The following LRFN2 variants were observed in gnomAD, a reference collection of about 807,000 sequenced individuals.
LRFN2 encodes the protein leucine-rich repeat and fibronectin type-III domain-containing protein 2.
A neutral mutation model predicts 37.3 loss-of-function variants in LRFN2; 18 were observed. The observed-to-expected ratio is 0.48, with a 90% CI of 0.33 to 0.72. LRFN2 has a LOEUF of 0.72. Among genes scored for constraint, LRFN2 ranks in the 30% least tolerant of loss-of-function variants. The probability of loss-of-function intolerance (pLI) is 0.02; values close to 1 mark genes in which losing one functional copy is unlikely to be tolerated. For synonymous variants in LRFN2, 556 were observed against 466.6 expected (o/e 1.19, Z -2.47); for missense variants, 1,006 against 1,060.7 (o/e 0.95, Z 0.72).
chr6:40,581,762 T>C (rs1412304264), intron 1 of LRFN2, among the ~76,000 whole-genome samples: 1 of 152,208 alleles, frequency 6.6e-6, no homozygotes, highest in Non-Finnish European at 1.5e-5. Context: ...CATTGCTCTC[T>C]CACTAGGTAC....
intron 1 of LRFN2, among the ~76,000 whole-genome samples, chr6:40,581,386 A>G (rs1291731168): frequency 6.6e-6 from 1 of 152,200 alleles, no homozygotes; most frequent in Non-Finnish European, 1.5e-5. Context: ...GGGGACGGCC[A>G]AAGTCACACA....
intron 1 of LRFN2, among the ~76,000 whole-genome samples, chr6:40,458,522 C>G (rs886714282): frequency 1.3e-5 from 2 of 152,176 alleles, no homozygotes; most frequent in African/African-American, 4.8e-5. Flanking sequence ...TAGTCCAGAG[C>G]AACATAAAGT....
intron 1 of LRFN2, among the ~76,000 whole-genome samples, chr6:40,542,058 C>A (rs1297300625): frequency 6.6e-6 from 1 of 152,240 alleles, no homozygotes; most frequent in African/African-American, 2.4e-5. Flanking sequence ...CACACACTTG[C>A]AGTCATGTGG....
At chr6:40,514,526 G>T (rs1430788948) in intron 1 of LRFN2, among the ~76,000 whole-genome samples, 5 of 152,102 alleles carry the variant, frequency 3.3e-5, no homozygotes, top group Non-Finnish European at 5.9e-5. Context: ...TGTTGACCAA[G>T]CTGATCTTGA....
intron 1 of LRFN2, among the ~76,000 whole-genome samples, chr6:40,507,662 A>G (rs919096971): frequency 3.3e-5 from 5 of 152,018 alleles, no homozygotes; most frequent in Non-Finnish European, 2.9e-5. Flanking sequence ...CCTGTTTTGG[A>G]GGGGAAAATG....
chr6:40,574,257 C>A (rs762771049), intron 1 of LRFN2, among the ~76,000 whole-genome samples: 4 of 152,102 alleles, frequency 2.6e-5, no homozygotes, highest in Admixed American at 6.5e-5. Context: ...CTCATGACAA[C>A]CCTAGGGATT....
Position 40,432,945 on chromosome 6 carries a change from G to A in LRFN2, c.169C>T (p.Leu57=). The A allele has an allele frequency of 1.9e-6, 3 of 1,613,938 alleles. No homozygotes were observed. Among genetic ancestry groups the A allele is most frequent in the Non-Finnish European group, 2.5e-6 (3 of 1,179,840 alleles). The stretch of plus-strand genomic sequence containing the variant: ...ATGATGAAGTTGCCGCCCAGGCGCA[G>A]CTCCACTGTCCGCCGGTCAATATCA... ...PPDIDRRTVE[L]RLGGNFIIHI... is the part of the protein sequence containing the mutation. Residue 57 remains leucine, a synonymous_variant, in exon 2 of 3, where the codon CTG becomes TTG. Transcript: ENST00000338305.
intron 1 of LRFN2, among the ~76,000 whole-genome samples, chr6:40,446,124 T>C (rs1763964094): frequency 1.3e-5 from 2 of 152,144 alleles, no homozygotes. Flanking sequence ...ACCATTAGTT[T>C]AGGAAATTCT....
chr6:40,519,575 C>T (rs1255824691), intron 1 of LRFN2, among the ~76,000 whole-genome samples: 2 of 152,184 alleles, frequency 1.3e-5, no homozygotes, highest in African/African-American at 2.4e-5. Flanking sequence ...CAAGAATATG[C>T]GTGGCCCAGC....
chr6:40,514,379 A>G (rs1765798975), intron 1 of LRFN2, among the ~76,000 whole-genome samples: 2 of 152,166 alleles, frequency 1.3e-5, no homozygotes, highest in African/African-American at 4.8e-5. Flanking sequence ...CAGTAGTGCA[A>G]TCTCAGCTCT....
intron 2 of LRFN2, among the ~76,000 whole-genome samples, chr6:40,420,130 G>A (rs1396485039): frequency 1.3e-5 from 2 of 152,190 alleles, no homozygotes; most frequent in African/African-American, 2.4e-5. Flanking sequence ...CACCTTTGGA[G>A]CCCACCCCTG....
intron 1 of LRFN2, among the ~76,000 whole-genome samples, chr6:40,450,548 T>C (rs560701495): frequency 4.2e-4 from 64 of 152,332 alleles, no homozygotes; most frequent in African/African-American, 1.5e-3. Flanking sequence ...GATGCAACCG[T>C]GCTGGAAGCC....
Position 40,435,078 on chromosome 6 carries a change from G to GACAGAGAC in LRFN2, c.-18-1948_-18-1947insGTCTCTGT, listed in dbSNP as rs1309780029. ...AGAGAGAGAGAGAGAGAGAGAGAGAGAGAGAGAGAGAGACAGAGAGATAAT... is the reference window on the plus strand; with the variant it reads ...AGAGAGAGAGAGAGAGAGAGAGAGAGACAGAGACAGAGAGAGAGAGACAGAGAGATAAT... On this transcript the variant is annotated intron_variant, in intron 1 of 2. Coordinates refer to ENST00000338305, the MANE Select transcript of LRFN2 (RefSeq NM_020737.3). Among the ~76,000 whole-genome samples, 9 of 136,500 alleles carry GACAGAGAC rather than the reference G, an allele frequency of 6.6e-5. No homozygotes were observed. In the East Asian group the frequency reaches 2.0e-3, roughly 30 times the overall value. 89.5% of individuals were successfully genotyped at this position (136,500 alleles called of 152,430 possible).
chr6:40,550,236 T>G (rs769280557), intron 1 of LRFN2, among the ~76,000 whole-genome samples: 1 of 151,846 alleles, frequency 6.6e-6, no homozygotes, highest in Admixed American at 6.6e-5. Flanking sequence ...AGGGCTAGGG[T>G]ATGAGCAGAG....
At chr6:40,427,439 C>T (rs1049585035) in intron 2 of LRFN2, among the ~76,000 whole-genome samples, 3 of 152,228 alleles carry the variant, frequency 2.0e-5, no homozygotes, top group Admixed American at 6.5e-5. Context: ...CTTTTTCCAA[C>T]TGGACCTGTC....
Position 40,392,349 on chromosome 6 carries a change from C to T in LRFN2, c.1964G>A (p.Arg655His), listed in dbSNP as rs1762524285. 7 of 1,608,966 alleles carry T rather than the reference C, an allele frequency of 4.4e-6. No individual in the cohort carries two copies. The highest frequency in any genetic ancestry group is 1.3e-5 in the African/African-American group (1 of 74,968). The change falls in exon 3 of 3, where the codon CGC becomes CAC. Residue 655 changes from arginine to histidine, a missense_variant. By Grantham distance (29) the Arg-to-His change is conservative. Coordinates refer to ENST00000338305, the MANE Select transcript of LRFN2 (RefSeq NM_020737.3). This position sits in a 1 kb window ranked among gnomAD's most constrained non-coding sequence, Gnocchi z 4.7. ...CAGGGAGGCGAAGGCCCCCATCAGG[C>T]GGTCAAGGCTGGGCTTGGGGCGCGG... is the stretch of plus-strand genomic sequence containing the variant. Reference protein sequence around the residue: ...SAPRPKPSLDRLMGAFASLDL... With the variant: ...SAPRPKPSLDHLMGAFASLDL...
chr6:40,575,104 A>G (rs1021862003), intron 1 of LRFN2, among the ~76,000 whole-genome samples: 1 of 152,166 alleles, frequency 6.6e-6, no homozygotes, highest in African/African-American at 2.4e-5. Flanking sequence ...GATGGTCTAC[A>G]CAAGACCCAG....
At chr6:40,556,059 C>T (rs1396132005) in intron 1 of LRFN2, among the ~76,000 whole-genome samples, 4 of 152,186 alleles carry the variant, frequency 2.6e-5, no homozygotes, top group South Asian at 2.1e-4. Flanking sequence ...CACTGTCAGC[C>T]CACCTGCTCT....
intron 1 of LRFN2, among the ~76,000 whole-genome samples, chr6:40,463,950 A>G (rs1047824020): frequency 1.3e-5 from 2 of 152,122 alleles, no homozygotes; most frequent in African/African-American, 4.8e-5. Flanking sequence ...GTATTTGCTC[A>G]TGCCTCCTTT....
Sources: gnomAD v4.1 joint callset for allele counts (sites outside exome capture counted in the v4.1 genomes callset) on GRCh38, gnomAD v4.1.1 for gene constraint, Gnocchi (gnomAD v3.1) non-coding constraint, MANE v1.5 for transcripts, NCBI Gene and HGNC (gene_info 2026-07-23, HGNC 2026-07-21) for gene names.